Variants in PPDPFL observed in about 807,000 individuals in gnomAD.
PPDPFL encodes pancreatic progenitor cell differentiation and proliferation factor-like protein.
PPDPFL carries 12 observed loss-of-function variants against 12.6 expected under a neutral mutation model. The observed-to-expected ratio is 0.95, with a 90% CI of 0.61 to 1.54. The LOEUF (loss-of-function observed/expected upper bound fraction) is 1.54. Ranked by LOEUF, PPDPFL falls within the 40% of genes most tolerant of loss-of-function variation. The pLI is 0.00. For synonymous variants in PPDPFL, 24 were observed against 32.7 expected (o/e 0.73, Z 0.91); for missense variants, 114 against 96.0 (o/e 1.19, Z -0.78).
At position 49,074,884 on chromosome 8, in the gene PPDPFL, A is replaced by C. The variant is rs930901955; in HGVS notation, c.234-268A>C. ...TAGACATTTGAATGCCTAGTAACTA[A>C]ATGGAATAGAAAGAATCTATAATAA... On this transcript the variant is annotated intron_variant, in intron 4 of 4. Transcript: ENST00000522267. The C allele has an allele frequency of 3.6e-6, 5 of 1,384,540 alleles. No individual in the cohort carries two copies. The Admixed American group carries it at 1.5e-4, about 42-fold the overall frequency. 85.8% of individuals were successfully genotyped at this position (1,384,540 alleles called of 1,614,324 possible). A position where few individuals can be genotyped will look rare whatever the true frequency, so the allele number is the denominator to read the frequency against.
chr8:49,068,314 A>G (rs1262430844), upstream of PPDPFL, among the ~76,000 whole-genome samples: 1 of 152,190 alleles, frequency 6.6e-6, no homozygotes, highest in Non-Finnish European at 1.5e-5. Context: ...TGAGAGTGGT[A>G]CCTGAACACC....
At chr8:49,067,792 A>C (rs1808323710), upstream of PPDPFL, among the ~76,000 whole-genome samples, 1 of 152,238 alleles carries the variant, frequency 6.6e-6, no homozygotes, top group Non-Finnish European at 1.5e-5. Context: ...CACATCCTAC[A>C]ACTTGTCTGA....
rs577799998 is a variant in PPDPFL, at chr8:49,057,727, G to GT, written c.-45+3359dup. Among the ~76,000 whole-genome samples, 596 of 152,214 alleles carry GT rather than the reference G, an allele frequency of 3.9e-3. 5 individuals carry two copies. The highest frequency in any genetic ancestry group is 0.014 in the African/African-American group (577 of 41,540). ...AAGTTCACTGAAGGAAGCCCTTCAA[G>GT]TCCCCTAATATGATTATATACTCTG... On this transcript the variant is annotated intron_variant, in intron 1 of 4. Coordinates refer to the PPDPFL transcript ENST00000517663.
upstream of PPDPFL, among the ~76,000 whole-genome samples, chr8:49,067,676 C>G (rs1808320154): frequency 6.6e-6 from 1 of 152,224 alleles, no homozygotes; most frequent in African/African-American, 2.4e-5. Flanking sequence ...TAGTATCTTA[C>G]ATGTGATAAA....
intron 1 of PPDPFL, among the ~76,000 whole-genome samples, chr8:49,066,408 G>A (rs778763728): frequency 1.3e-5 from 2 of 152,128 alleles, no homozygotes; most frequent in Non-Finnish European, 2.9e-5. Context: ...TGTGACTTGG[G>A]CAAGTGCTTC....
intron 1 of PPDPFL, among the ~76,000 whole-genome samples, chr8:49,064,160 C>T (rs1000531519): frequency 1.3e-5 from 2 of 152,170 alleles, no homozygotes; most frequent in Admixed American, 6.5e-5. Flanking sequence ...GGCTCATTCC[C>T]AGGTACAGCC....
intron 2 of PPDPFL, among the ~76,000 whole-genome samples, chr8:49,073,544 G>A (rs371023097): frequency 2.0e-5 from 3 of 152,024 alleles, no homozygotes; most frequent in Admixed American, 6.6e-5. Flanking sequence ...AAAAGTTTAC[G>A]CTCATTTACT....
At chr8:49,056,386 ACT>A (rs1045502920) in intron 1 of PPDPFL, among the ~76,000 whole-genome samples, 2 of 150,920 alleles carry the variant, frequency 1.3e-5, no homozygotes, top group Non-Finnish European at 3.0e-5. Context: ...TGTTTCTTAG[ACT>A]CTATCTAAAT....
intron 2 of PPDPFL, among the ~76,000 whole-genome samples, chr8:49,073,235 G>T (rs1808425038): frequency 6.6e-6 from 1 of 152,146 alleles, no homozygotes; most frequent in Non-Finnish European, 1.5e-5. Flanking sequence ...GAAAAGAAAA[G>T]ATAGCATGAC....
rs747177050 is a variant in PPDPFL, at chr8:49,072,894, C to T, written c.55+9C>T. 1.4e-5 allele frequency: 22 copies of T among 1,602,396 alleles called. No individual in the cohort carries two copies. Among genetic ancestry groups the T allele is most frequent in the East Asian group, 1.1e-4 (5 of 44,442 alleles). ...AAATCAGTATTATCGAAGTAAGTTG[C>T]ATCATCATAGAGACGTCCCTAGATA... On this transcript the variant is annotated intron_variant, in intron 2 of 4. Coordinates refer to ENST00000522267, the MANE Select transcript of PPDPFL (RefSeq NM_001256597.2).
chr8:49,061,478 G>A (rs963382193), intron 1 of PPDPFL, among the ~76,000 whole-genome samples: 7 of 152,146 alleles, frequency 4.6e-5, no homozygotes, highest in African/African-American at 1.7e-4. Context: ...ATGAACACAC[G>A]GGGCAATTGT....
intron 1 of PPDPFL, among the ~76,000 whole-genome samples, chr8:49,063,408 C>G (rs1317356006): frequency 6.6e-6 from 1 of 152,110 alleles, no homozygotes; most frequent in African/African-American, 2.4e-5. Context: ...ATGGCTGATA[C>G]TAATGCTACT....
intron 1 of PPDPFL, among the ~76,000 whole-genome samples, chr8:49,065,832 G>C (rs576230292): frequency 6.6e-6 from 1 of 152,268 alleles, no homozygotes; most frequent in Non-Finnish European, 1.5e-5. Context: ...CCTATTTTGG[G>C]GGAACCTAAC....
chr8:49,075,093 T>C, intron 4 of PPDPFL, 59 bp from the exon 5 acceptor site: 11 of 1,591,384 alleles, frequency 6.9e-6, no homozygotes, highest in Non-Finnish European at 8.6e-6. Context: ...ATTTGAATTA[T>C]CTGGACAGTG....
In PPDPFL at chr8:49,075,476, T is replaced by C. The variant is rs1808480856; in HGVS notation, c.*303T>C. ...TGGCACTTGCTACCTGGTGCATCTT[T>C]GAAAAGTGTGCCTTTAGAAACAAGA... On this transcript the variant is annotated 3_prime_UTR_variant, in exon 5 of 5. Transcript: ENST00000522267. The C allele has an allele frequency of 3.4e-6, 2 of 595,956 alleles. No homozygotes were observed. The highest frequency in any genetic ancestry group is 6.0e-5 in the Admixed American group (2 of 33,562). 36.9% of individuals were successfully genotyped at this position (595,956 alleles called of 1,614,324 possible).
At chr8:49,062,124 T>C (rs2129244054) in intron 1 of PPDPFL, among the ~76,000 whole-genome samples, 1 of 152,312 alleles carries the variant, frequency 6.6e-6, no homozygotes, top group South Asian at 2.1e-4. Context: ...AAAGGGCCTC[T>C]ACCCTAAAGG....
At position 49,075,866 on chromosome 8, in the gene PPDPFL, G is replaced by C. The variant is rs1422749745; in HGVS notation, c.*693G>C. On this transcript the variant is annotated 3_prime_UTR_variant, in exon 5 of 5. Transcript: ENST00000522267. ...AATTATATTATGGCATTAAAAATTA[G>C]CATAATACACCATATATGGTACAAT... 1 of 153,144 alleles carries C rather than the reference G, an allele frequency of 6.5e-6. No homozygotes were observed. Among genetic ancestry groups the C allele is most frequent in the East Asian group, 1.9e-4 (1 of 5,222 alleles). 9.5% of individuals were successfully genotyped at this position (153,144 alleles called of 1,614,324 possible).
chr8:49,056,600 T>G lies in PPDPFL; in HGVS notation c.-45+2231T>G, dbSNP rs577096096. ...AAAGTCTTTGAATGAATCAATGGATTGATGAGTTACTACTATCTGTGCAGT... is the reference window on the plus strand; with the variant it reads ...AAAGTCTTTGAATGAATCAATGGATGGATGAGTTACTACTATCTGTGCAGT... On this transcript the variant is annotated intron_variant, in intron 1 of 4. Transcript: ENST00000517663. 4.7e-4 allele frequency among the ~76,000 whole-genome samples: 71 copies of G among 152,320 alleles called. 2 individuals are homozygous for G. In the South Asian group the frequency reaches 0.015, roughly 32 times the overall value.
intron 1 of PPDPFL, among the ~76,000 whole-genome samples, chr8:49,066,012 A>G (rs983767075): frequency 5.9e-5 from 9 of 152,212 alleles, no homozygotes; most frequent in Admixed American, 2.0e-4. Context: ...TTCTTCCAAG[A>G]TGGTTTCAGT....
Sources: gnomAD v4.1 joint callset for allele counts (sites outside exome capture counted in the v4.1 genomes callset) on GRCh38, gnomAD v4.1.1 for gene constraint, MANE v1.5 for transcripts, NCBI Gene and HGNC (gene_info 2026-07-23, HGNC 2026-07-21) for gene names.